The following MCTP2 variants were observed in gnomAD, a reference collection of about 807,000 sequenced individuals.
MCTP2 encodes the protein multiple C2 and transmembrane domain containing 2, also known as multiple C2 and transmembrane domain-containing protein 2.
MCTP2 carries 132 observed loss-of-function variants against 111.6 expected under a neutral mutation model. That is an observed-to-expected ratio of 1.18 (90% CI 1.03 to 1.37). The LOEUF (loss-of-function observed/expected upper bound fraction) is 1.37, where lower values mean the gene tolerates loss of function less well. Among genes scored for constraint, MCTP2 ranks in the 40% most tolerant of loss-of-function variants. MCTP2 has a pLI of 0.00. For synonymous variants in MCTP2, 395 were observed against 387.7 expected, an observed-to-expected ratio of 1.02 and a Z score of -0.22; for missense variants, 1,183 against 1,067.9, an observed-to-expected ratio of 1.11 and a Z score of -1.50.
chr15:94,318,569 G>A (rs545270789), intron 4 of MCTP2, among the ~76,000 whole-genome samples: 166 of 152,204 alleles, frequency 1.1e-3, no homozygotes, highest in Non-Finnish European at 1.7e-3. Context: ...CACCACGCCC[G>A]GCCAATAGTT....
chr15:94,375,605 C>T (rs928698555), intron 12 of MCTP2, among the ~76,000 whole-genome samples: 2 of 152,132 alleles, frequency 1.3e-5, no homozygotes, highest in African/African-American at 4.8e-5. Context: ...AGCCATCAAT[C>T]ATGAAAAGTT....
At chr15:94,307,093 C>T (rs946792425) in intron 2 of MCTP2, among the ~76,000 whole-genome samples, 51 of 152,150 alleles carry the variant, frequency 3.4e-4, no homozygotes, top group African/African-American at 1.2e-3. Flanking sequence ...TCTTCCTTCC[C>T]TTCGCACCTG....
intron 1 of MCTP2, among the ~76,000 whole-genome samples, chr15:94,275,879 G>T (rs1474054481): frequency 7.3e-6 from 1 of 137,538 alleles, no homozygotes; most frequent in African/African-American, 2.8e-5. Flanking sequence ...ATGGAGTCTC[G>T]CTCTGTTTCC....
At chr15:94,312,813 T>C (rs1444832781) in intron 2 of MCTP2, among the ~76,000 whole-genome samples, 2 of 152,186 alleles carry the variant, frequency 1.3e-5, no homozygotes, top group African/African-American at 4.8e-5. Context: ...AGAAAGCCCG[T>C]CCTTGTTTGC....
Position 94,245,269 on chromosome 15 carries a change from TATATAC to T in MCTP2, c.-66+13606_-66+13611del, listed in dbSNP as rs1339547218. On this transcript the variant is annotated intron_variant, in intron 1 of 22. Coordinates refer to ENST00000357742, the MANE Select transcript of MCTP2 (RefSeq NM_001385001.1). ...ACACATATGTATATATACATATGTG[TATATAC>T]GTATATACACATATGTATATATTTA... Among the ~76,000 whole-genome samples, 34 of 137,164 alleles carry T rather than the reference TATATAC, an allele frequency of 2.5e-4. 1 individual carries two copies. Among genetic ancestry groups the T allele is most frequent in the African/African-American group, 8.0e-4 (31 of 38,756 alleles). 90.0% of individuals were successfully genotyped at this position (137,164 alleles called of 152,430 possible). A position where few individuals can be genotyped will look rare whatever the true frequency, so the allele number is the denominator to read the frequency against.
intron 2 of MCTP2, among the ~76,000 whole-genome samples, chr15:94,303,064 A>ATATATATAGTTTATATATATATAGTT (rs2075701915): frequency 7.9e-6 from 1 of 125,924 alleles, no homozygotes; most frequent in Non-Finnish European, 1.6e-5. Flanking sequence ...CTAATGGAAT[A>ATATATATAGTTTATATATATATAGTT]TATATATATA....
At chr15:94,446,222 A>G (rs962820098) in intron 19 of MCTP2, among the ~76,000 whole-genome samples, 11 of 152,344 alleles carry the variant, frequency 7.2e-5, no homozygotes, top group Admixed American at 2.0e-4. Context: ...TTTGCCTTGT[A>G]GGAGATGAAA....
chr15:94,390,725 C>CTTTTTTTTTT lies in MCTP2; in HGVS notation c.1788+5213_1788+5222dup, dbSNP rs777312969. On this transcript the variant is annotated intron_variant, in intron 14 of 22. Transcript: ENST00000357742. Reference sequence around the variant, plus strand: ...GAAGACCTGCAATTTCTTTTCTTTTCTTTTTTTTTTTTTTTTTTTTTTGGG... The same window carrying CTTTTTTTTTT: ...GAAGACCTGCAATTTCTTTTCTTTTCTTTTTTTTTTTTTTTTTTTTTTTTTTTTTTTTGGG... Among the ~76,000 whole-genome samples the CTTTTTTTTTT allele has an allele frequency of 4.0e-3, 448 of 112,666 alleles. 1 individual carries two copies. Among genetic ancestry groups the CTTTTTTTTTT allele is most frequent in the Middle Eastern group, 0.021 (3 of 140 alleles). 73.9% of individuals were successfully genotyped at this position (112,666 alleles called of 152,430 possible).
chr15:94,367,496 A>G (rs1372798747), intron 10 of MCTP2, 109 bp from the exon 11 acceptor site: 2 of 840,866 alleles, frequency 2.4e-6, no homozygotes, highest in African/African-American at 3.5e-5. Context: ...CTAAGACCAG[A>G]CAGAGTGAGT....
intron 17 of MCTP2, among the ~76,000 whole-genome samples, chr15:94,415,271 CA>C (rs1227013623): frequency 6.6e-6 from 1 of 152,112 alleles, no homozygotes; most frequent in Non-Finnish European, 1.5e-5. Context: ...CTTCTGCCTG[CA>C]GTTGAAGTTT....
At chr15:94,386,213 C>A (rs1481061422) in intron 14 of MCTP2, among the ~76,000 whole-genome samples, 1 of 152,162 alleles carries the variant, frequency 6.6e-6, no homozygotes, top group Non-Finnish European at 1.5e-5. Flanking sequence ...CTTAATTAGA[C>A]AGTGATATAT....
intron 2 of MCTP2, among the ~76,000 whole-genome samples, chr15:94,313,732 A>G: frequency 6.6e-6 from 1 of 152,058 alleles, no homozygotes; most frequent in East Asian, 1.9e-4. Context: ...ATACTGGGAA[A>G]CATAGACACC....
chr15:94,328,899 T>C (rs2077012206), intron 4 of MCTP2, among the ~76,000 whole-genome samples: 1 of 152,108 alleles, frequency 6.6e-6, no homozygotes, highest in South Asian at 2.1e-4. Context: ...TTGATTCCCA[T>C]ATTGTGTGTG....
chr15:94,351,144 A>G (rs2078282399), intron 8 of MCTP2, among the ~76,000 whole-genome samples: 1 of 152,182 alleles, frequency 6.6e-6, no homozygotes, highest in African/African-American at 2.4e-5. Context: ...TACAAGTATA[A>G]ATTGCAACTT....
In MCTP2 at chr15:94,298,230, C is replaced by T; in HGVS notation, c.-36C>T. 1 of 1,523,554 alleles carries T rather than the reference C, an allele frequency of 6.6e-7. No individual in the cohort carries two copies. The highest frequency in any genetic ancestry group is 8.9e-7 in the Non-Finnish European group (1 of 1,128,806). 94.4% of individuals were successfully genotyped at this position (1,523,554 alleles called of 1,614,324 possible). ...CATTGCAGTTTTCAGTAGAGGTGTA[C>T]TTCTGAGAAGTGGCTTCTTGGGTCT... On this transcript the variant is annotated 5_prime_UTR_variant, in exon 2 of 23. Coordinates refer to ENST00000357742, the MANE Select transcript of MCTP2 (RefSeq NM_001385001.1).
At chr15:94,303,420 C>A (rs1349609945) in intron 2 of MCTP2, among the ~76,000 whole-genome samples, 3 of 151,954 alleles carry the variant, frequency 2.0e-5, no homozygotes, top group African/African-American at 7.3e-5. Flanking sequence ...TTAGATGATG[C>A]CCACCCAGAT....
At chr15:94,249,450 A>G (rs921814449) in intron 1 of MCTP2, among the ~76,000 whole-genome samples, 3 of 151,964 alleles carry the variant, frequency 2.0e-5, no homozygotes, top group African/African-American at 7.2e-5. Context: ...GCAGATGTTC[A>G]AGTGAATGAC....
intron 18 of MCTP2, among the ~76,000 whole-genome samples, chr15:94,441,239 A>T (rs1403984014): frequency 6.6e-6 from 1 of 152,236 alleles, no homozygotes; most frequent in African/African-American, 2.4e-5. Flanking sequence ...TATTGTGGCA[A>T]GAGGAAAAAC....
intron 20 of MCTP2, among the ~76,000 whole-genome samples, chr15:94,469,202 G>A (rs1264834811): frequency 1.3e-5 from 2 of 152,134 alleles, no homozygotes; most frequent in Non-Finnish European, 2.9e-5. Flanking sequence ...ACAAGGCAAT[G>A]AGGCTCTACG....
Sources: gnomAD v4.1 joint callset for allele counts (sites outside exome capture counted in the v4.1 genomes callset) on GRCh38, gnomAD v4.1.1 for gene constraint, MANE v1.5 for transcripts, NCBI Gene and HGNC (gene_info 2026-07-23, HGNC 2026-07-21) for gene names.